UBTD1: variants seen among roughly 807,000 people sequenced by gnomAD.
UBTD1 encodes ubiquitin domain containing 1, also known as ubiquitin domain-containing protein 1.
Under a neutral mutation model 21.7 loss-of-function variants are expected in UBTD1, and 19 were observed. The observed-to-expected ratio is 0.87, with a 90% CI of 0.61 to 1.28. The LOEUF (loss-of-function observed/expected upper bound fraction) is 1.28. UBTD1 is among the 50% of genes most tolerant of loss of function. The pLI, the probability that UBTD1 is intolerant of heterozygous loss-of-function variation, is 0.00. For missense variants in UBTD1, 282 were observed against 315.1 expected (o/e 0.89, Z 0.80); for synonymous variants, 116 against 135.1 (o/e 0.86, Z 0.98).
chr10:97,511,685 C>T (rs1209591372), intron 1 of UBTD1, among the ~76,000 whole-genome samples: 4 of 151,980 alleles, frequency 2.6e-5, no homozygotes, highest in East Asian at 1.9e-4. Flanking sequence ...TTAGTGAAAG[C>T]GCTCTGTTCC....
intron 1 of UBTD1, among the ~76,000 whole-genome samples, chr10:97,557,742 A>C (rs1263431853): frequency 6.6e-6 from 1 of 152,180 alleles, no homozygotes; most frequent in East Asian, 1.9e-4. Context: ...TATTTTAAAA[A>C]CTGTGATCAT....
At chr10:97,550,058 T>C (rs1314703717) in intron 1 of UBTD1, among the ~76,000 whole-genome samples, 1 of 152,154 alleles carries the variant, frequency 6.6e-6, no homozygotes, top group Non-Finnish European at 1.5e-5. Flanking sequence ...AAACAAGAGA[T>C]TCGAGTCTGT....
intron 1 of UBTD1, among the ~76,000 whole-genome samples, chr10:97,519,876 C>T (rs191838263): frequency 1.3e-5 from 2 of 152,182 alleles, no homozygotes; most frequent in Non-Finnish European, 2.9e-5. Flanking sequence ...CTGTCTCCCA[C>T]AGCCCTGCAG....
At chr10:97,545,788 G>C (rs1355166659) in intron 1 of UBTD1, among the ~76,000 whole-genome samples, 1 of 152,202 alleles carries the variant, frequency 6.6e-6, no homozygotes, top group Non-Finnish European at 1.5e-5. Flanking sequence ...CTGCCAGGTA[G>C]CTCAGTAAAG....
intron 1 of UBTD1, among the ~76,000 whole-genome samples, chr10:97,543,037 A>G (rs1368253151): frequency 3.9e-5 from 6 of 152,262 alleles, no homozygotes; most frequent in Non-Finnish European, 5.9e-5. Context: ...AGCAGGCTCC[A>G]GGAACCATGT....
chr10:97,521,105 G>C (rs962824448), intron 1 of UBTD1, among the ~76,000 whole-genome samples: 2 of 152,216 alleles, frequency 1.3e-5, no homozygotes, highest in African/African-American at 4.8e-5. Flanking sequence ...TCCCCAGCAC[G>C]AGTGCCTACT....
chr10:97,537,920 G>C (rs374678423), intron 1 of UBTD1, among the ~76,000 whole-genome samples: 5 of 150,030 alleles, frequency 3.3e-5, no homozygotes, highest in African/African-American at 9.9e-5. Context: ...CTACCTCCCA[G>C]GTTCAAGCGA....
intron 1 of UBTD1, among the ~76,000 whole-genome samples, chr10:97,542,083 G>C (rs1348170573): frequency 6.6e-6 from 1 of 152,164 alleles, no homozygotes; most frequent in Non-Finnish European, 1.5e-5. Flanking sequence ...AAGCCTCTGA[G>C]TTGTCTTCCC....
At chr10:97,507,796 A>G (rs1306215793) in intron 1 of UBTD1, among the ~76,000 whole-genome samples, 1 of 151,188 alleles carries the variant, frequency 6.6e-6, no homozygotes, top group East Asian at 1.9e-4. Context: ...AAAAAAAAAA[A>G]AAAAGAGAGG....
intron 1 of UBTD1, among the ~76,000 whole-genome samples, chr10:97,514,763 A>C (rs924661379): frequency 1.3e-5 from 2 of 152,156 alleles, no homozygotes; most frequent in Non-Finnish European, 1.5e-5. Context: ...CCGTTTTTCA[A>C]AGCTACTTGA....
At chr10:97,507,093 AC>A (rs2040402488) in intron 1 of UBTD1, among the ~76,000 whole-genome samples, 1 of 152,054 alleles carries the variant, frequency 6.6e-6, no homozygotes, top group Non-Finnish European at 1.5e-5. Context: ...TTTTTGAATA[AC>A]CCCCCATAAC....
intron 1 of UBTD1, among the ~76,000 whole-genome samples, chr10:97,510,400 C>T: frequency 6.6e-6 from 1 of 152,126 alleles, no homozygotes; most frequent in Non-Finnish European, 1.5e-5. Flanking sequence ...ATCCCAGCTC[C>T]TCCAACTCAT....
intron 1 of UBTD1, among the ~76,000 whole-genome samples, chr10:97,515,539 G>C (rs1348402913): frequency 6.6e-6 from 1 of 152,190 alleles, no homozygotes; most frequent in Admixed American, 6.5e-5. Context: ...GGGCTTCATG[G>C]AGGACTCAGG....
In UBTD1 at chr10:97,518,820, T is replaced by TA. The variant is rs535377058; in HGVS notation, c.70+19549dup. 3.9e-5 allele frequency among the ~76,000 whole-genome samples: 6 copies of TA among 152,374 alleles called. 1 individual carries two copies. The South Asian group carries it at 1.2e-3, about 32-fold the overall frequency. ...AGGAGAGAAATAAGCACAATAAGGC[T>TA]AACACTTAGAAGTACTTCCCATGTT... On this transcript the variant is annotated intron_variant, in intron 1 of 2. Transcript: ENST00000370664.
Position 97,570,250 on chromosome 10 carries a change from G to C in UBTD1, c.411G>C (p.Glu137Asp), listed in dbSNP as rs2040739146. Residue 137 changes from glutamate (E) to aspartate (D), a missense_variant, in exon 3 of 3, where the codon GAG becomes GAC. Transcript: ENST00000370664. The surrounding 1 kb of genome is among the most constrained non-coding windows in gnomAD (Gnocchi z 6.6). ...LLEHTEEESL[E>D]PPEPPPSVRR... ...AGCACACGGAGGAGGAGAGCCTGGAGCCCCCCGAGCCTCCACCCAGCGTGC... is the reference window on the plus strand; with the variant it reads ...AGCACACGGAGGAGGAGAGCCTGGACCCCCCCGAGCCTCCACCCAGCGTGC... 2 of 1,612,894 alleles carry C rather than the reference G, an allele frequency of 1.2e-6. No individual in the cohort carries two copies. The highest frequency in any genetic ancestry group is 1.6e-4 in the Middle Eastern group (1 of 6,084).
At chr10:97,545,428 GT>G (rs2040606201) in intron 1 of UBTD1, among the ~76,000 whole-genome samples, 2 of 22,666 alleles carry the variant, frequency 8.8e-5, no homozygotes, top group Non-Finnish European at 2.7e-4. Context: ...GTGTGTGTGT[GT>G]GGGTGTGTGT....
chr10:97,511,056 T>C (rs990781269), intron 1 of UBTD1, among the ~76,000 whole-genome samples: 1 of 152,126 alleles, frequency 6.6e-6, no homozygotes, highest in Non-Finnish European at 1.5e-5. Flanking sequence ...CTGATACACA[T>C]TGTCAGCCGC....
At chr10:97,546,946 G>A (rs1257371386) in intron 1 of UBTD1, among the ~76,000 whole-genome samples, 1 of 151,944 alleles carries the variant, frequency 6.6e-6, no homozygotes, top group Non-Finnish European at 1.5e-5. Flanking sequence ...TCTCTCTCTC[G>A]GGAAACAGCT....
intron 1 of UBTD1, among the ~76,000 whole-genome samples, chr10:97,533,543 G>A (rs1289489603): frequency 1.3e-5 from 2 of 152,180 alleles, no homozygotes; most frequent in African/African-American, 4.8e-5. Flanking sequence ...GAGGGAATGA[G>A]GCCTGATCTG....
Sources: gnomAD v4.1 joint callset for allele counts (sites outside exome capture counted in the v4.1 genomes callset) on GRCh38, gnomAD v4.1.1 for gene constraint, Gnocchi (gnomAD v3.1) non-coding constraint, MANE v1.5 for transcripts, NCBI Gene and HGNC (gene_info 2026-07-23, HGNC 2026-07-21) for gene names.